The following SNTG1 variants were observed in gnomAD, a reference collection of about 807,000 sequenced individuals.
SNTG1 encodes the protein syntrophin gamma 1, also known as gamma-1-syntrophin.
Under a neutral mutation model 74.7 loss-of-function variants are expected in SNTG1, and 39 were observed. The ratio of observed to expected loss-of-function variants is 0.52; its 90% confidence interval spans 0.40 to 0.68. The LOEUF is 0.68. SNTG1 is among the 30% of genes least tolerant of loss of function. The pLI, the probability that SNTG1 is intolerant of heterozygous loss-of-function variation, is 0.00. For synonymous variants in SNTG1, 254 were observed against 217.1 expected, an observed-to-expected ratio of 1.17 and a Z score of -1.49; for missense variants, 685 against 609.5, an observed-to-expected ratio of 1.12 and a Z score of -1.30.
At chr8:50,334,701 C>A (rs1169709461) in intron 2 of SNTG1, among the ~76,000 whole-genome samples, 2 of 152,126 alleles carry the variant, frequency 1.3e-5, no homozygotes, top group African/African-American at 4.8e-5. Flanking sequence ...ATTACTCAAC[C>A]TCTTTCAATC....
chr8:50,154,829 G>T (rs1362382192), intron 1 of SNTG1, among the ~76,000 whole-genome samples: 1 of 152,200 alleles, frequency 6.6e-6, no homozygotes, highest in African/African-American at 2.4e-5. Flanking sequence ...AATGTGGCGT[G>T]TTGGATGAAA....
chr8:50,769,256 G>T (rs938186721), intron 18 of SNTG1, among the ~76,000 whole-genome samples: 3 of 151,756 alleles, frequency 2.0e-5, no homozygotes, highest in East Asian at 3.9e-4. Context: ...CAAAATAGTA[G>T]CTGTCAAAGG....
At chr8:50,265,494 T>TA (rs980908997) in intron 2 of SNTG1, among the ~76,000 whole-genome samples, 34 of 152,172 alleles carry the variant, frequency 2.2e-4, no homozygotes, top group African/African-American at 7.5e-4. Context: ...AGGGCATCTA[T>TA]AAAAAACCTA....
At chr8:50,197,538 C>A (rs1476255729) in intron 2 of SNTG1, among the ~76,000 whole-genome samples, 2 of 152,128 alleles carry the variant, frequency 1.3e-5, no homozygotes, top group African/African-American at 4.8e-5. Context: ...AGGATAACAC[C>A]AGAATGAATA....
At chr8:50,511,933 T>A (rs1167542774) in intron 9 of SNTG1, among the ~76,000 whole-genome samples, 1 of 152,178 alleles carries the variant, frequency 6.6e-6, no homozygotes, top group Non-Finnish European at 1.5e-5. Context: ...TTAATATTGT[T>A]GTGTGTGGAT....
chr8:50,200,664 C>G (rs2083951291), intron 2 of SNTG1, among the ~76,000 whole-genome samples: 1 of 152,028 alleles, frequency 6.6e-6, no homozygotes, highest in African/African-American at 2.4e-5. Flanking sequence ...GGATTGGAAG[C>G]ATTTGAGCAA....
intron 2 of SNTG1, among the ~76,000 whole-genome samples, chr8:50,363,532 G>T (rs1331763309): frequency 1.3e-5 from 2 of 152,110 alleles, no homozygotes; most frequent in African/African-American, 4.8e-5. Context: ...GTGTGTGTGT[G>T]TAATAACTTT....
At position 50,323,956 on chromosome 8, in the gene SNTG1, C is replaced by T. The variant is rs572253833; in HGVS notation, c.-27-70256C>T. Among the ~76,000 whole-genome samples the T allele has an allele frequency of 3.3e-5, 5 of 152,322 alleles. No homozygotes were observed. The East Asian group carries it at 9.7e-4, about 29-fold the overall frequency. ...TGAAGAGGAAAGGCACAAGTCTTCC[C>T]TTAGCTATTCCAGCTAGTGTCTCCT... is the stretch of plus-strand genomic sequence containing the variant. On this transcript the variant is annotated intron_variant, in intron 2 of 18. Transcript: ENST00000642720.
intron 2 of SNTG1, among the ~76,000 whole-genome samples, chr8:50,358,342 A>G (rs757297553): frequency 3.3e-5 from 5 of 152,222 alleles, no homozygotes; most frequent in Non-Finnish European, 7.3e-5. Flanking sequence ...TTTTAACTTC[A>G]TTAACTAATG....
intron 2 of SNTG1, among the ~76,000 whole-genome samples, chr8:50,176,429 T>C (rs2083001795): frequency 6.6e-6 from 1 of 152,218 alleles, no homozygotes; most frequent in South Asian, 2.1e-4. Flanking sequence ...AGCCCAGTAC[T>C]GACTTCATAT....
At chr8:50,348,836 A>G (rs2091561588) in intron 2 of SNTG1, among the ~76,000 whole-genome samples, 1 of 152,164 alleles carries the variant, frequency 6.6e-6, no homozygotes, top group South Asian at 2.1e-4. Context: ...TGTCTATTTT[A>G]TGGACACAAG....
At chr8:49,963,172 A>C (rs1333319500) in intron 1 of SNTG1, among the ~76,000 whole-genome samples, 1 of 152,106 alleles carries the variant, frequency 6.6e-6, no homozygotes, top group South Asian at 2.1e-4. Flanking sequence ...AAGTTAGAAA[A>C]CCCTCTTCAT....
intron 2 of SNTG1, among the ~76,000 whole-genome samples, chr8:50,202,614 A>G (rs2084030663): frequency 6.6e-6 from 1 of 152,090 alleles, no homozygotes; most frequent in African/African-American, 2.4e-5. Context: ...ACATTTTGAT[A>G]CTTTCCAATT....
chr8:50,006,739 T>G (rs1179509906), intron 1 of SNTG1, among the ~76,000 whole-genome samples: 1 of 152,168 alleles, frequency 6.6e-6, no homozygotes, highest in Non-Finnish European at 1.5e-5. Context: ...CAGACGAAAC[T>G]ATGCAGGCCA....
intron 1 of SNTG1, among the ~76,000 whole-genome samples, chr8:49,994,991 C>T (rs1222039893): frequency 8.8e-6 from 1 of 113,594 alleles, no homozygotes; most frequent in Non-Finnish European, 1.9e-5. Context: ...CAAATCACCT[C>T]ATAATTTAAA....
At chr8:50,591,649 C>G (rs1409551358) in intron 13 of SNTG1, among the ~76,000 whole-genome samples, 2 of 152,144 alleles carry the variant, frequency 1.3e-5, no homozygotes, top group African/African-American at 4.8e-5. Flanking sequence ...AATGTTTACA[C>G]TTGTTCTTTG....
chr8:50,508,593 C>T (rs2094032106), intron 9 of SNTG1, among the ~76,000 whole-genome samples: 1 of 152,170 alleles, frequency 6.6e-6, no homozygotes, highest in Non-Finnish European at 1.5e-5. Flanking sequence ...TGTTTCCTGA[C>T]TTTTTAATGA....
At chr8:50,030,169 A>G (rs1817625651) in intron 1 of SNTG1, among the ~76,000 whole-genome samples, 2 of 152,018 alleles carry the variant, frequency 1.3e-5, no homozygotes, top group African/African-American at 4.8e-5. Context: ...GTCTATTCAC[A>G]TCTTTTGCCC....
chr8:50,314,454 TA>T lies in SNTG1; in HGVS notation c.-27-79757del, dbSNP rs1344712921. Among the ~76,000 whole-genome samples, 4 of 149,732 alleles carry T rather than the reference TA, an allele frequency of 2.7e-5. No individual in the cohort carries two copies. In the Admixed American group the frequency reaches 2.7e-4, roughly 10 times the overall value. On this transcript the variant is annotated intron_variant, in intron 2 of 18. Coordinates refer to ENST00000642720, the MANE Select transcript of SNTG1 (RefSeq NM_018967.5). ...TAAAAAAAGTCCCTGTTCCCTCTTT[TA>T]CTCTAGGCATTCCAATTAAGTGCAT...
Sources: allele counts gnomAD v4.1 joint callset (sites outside exome capture counted in the v4.1 genomes callset), GRCh38; gene constraint gnomAD v4.1.1; transcripts MANE v1.5; gene names NCBI Gene and HGNC (gene_info 2026-07-23, HGNC 2026-07-21).